The following DST variants were observed in gnomAD, a reference collection of about 807,000 sequenced individuals.
DST encodes the protein bullous pemphigoid antigen.
DST carries 253 observed loss-of-function variants against 875.2 expected under a neutral mutation model. The observed-to-expected ratio is 0.29, with a 90% CI of 0.26 to 0.32. The LOEUF is 0.32. Ranked by LOEUF, DST falls within the 10% of genes least tolerant of loss-of-function variation. The probability of loss-of-function intolerance (pLI) is 1.00; values close to 1 mark genes in which losing one functional copy is unlikely to be tolerated. For synonymous variants in DST, 3,124 were observed against 3,197.1 expected (o/e 0.98, Z 0.77); for missense variants, 8,287 against 9,111.6 (o/e 0.91, Z 3.68).
chr6:56,805,156 TGCAGTTTCTAA>T (rs1221206019), intron 4 of DST, among the ~76,000 whole-genome samples: 32 of 152,280 alleles, frequency 2.1e-4, no homozygotes, highest in African/African-American at 7.5e-4. Context: ...ATGTGCATCA[TGCAGTTTCTAA>T]AGAAACTGAA....
At chr6:56,482,563 T>C (rs1306376950) in intron 89 of DST, 120 bp downstream of exon 89, 2 of 962,426 alleles carry the variant, frequency 2.1e-6, no homozygotes, top group East Asian at 2.6e-5. Context: ...TATTAGAATT[T>C]CCTTCTTCAG....
intron 72 of DST, among the ~76,000 whole-genome samples, chr6:56,513,007 G>C (rs1002317306): frequency 6.6e-6 from 1 of 152,164 alleles, no homozygotes; most frequent in Admixed American, 6.5e-5. Flanking sequence ...ATCAGCTATA[G>C]ATAATCTCAT....
chr6:56,697,517 A>G (rs2099270574), intron 9 of DST, among the ~76,000 whole-genome samples: 1 of 152,254 alleles, frequency 6.6e-6, no homozygotes, highest in Non-Finnish European at 1.5e-5. Flanking sequence ...TTATGGACAG[A>G]AAATGGAAAG....
chr6:56,912,063 G>A (rs76827790), intron 2 of DST, among the ~76,000 whole-genome samples: 4,526 of 152,242 alleles, frequency 0.03, 195 homozygotes, highest in African/African-American at 0.1. Flanking sequence ...CCTAGATGGG[G>A]TTTAAAGTGA....
rs550537090 is a variant in DST, at chr6:56,871,533, G to A, written c.418-19929C>T. 7.5e-4 allele frequency: 963 copies of A among 1,292,288 alleles called. 1 individual carries two copies. The highest frequency in any genetic ancestry group is 1.8e-3 in the Middle Eastern group (7 of 3,824). The allele number at this position is 1,292,288 out of a possible 1,614,324, so 80.1% of individuals were successfully genotyped here. A position where few individuals can be genotyped will look rare whatever the true frequency, so the allele number is the denominator to read the frequency against. ...CTTAGAGGTAGATTCTCTGGTCATT[G>A]AGCATATCCAAATAAACAAAGCACC... On this transcript the variant is annotated intron_variant, in intron 3 of 103. Transcript: ENST00000680361.
chr6:56,705,529 A>G (rs1405305255), intron 5 of DST, among the ~76,000 whole-genome samples: 1 of 152,164 alleles, frequency 6.6e-6, no homozygotes, highest in African/African-American at 2.4e-5. Context: ...ATCCCATAAA[A>G]CTTTATTATC....
chr6:56,564,399 T>G (rs1312230468), intron 55 of DST, among the ~76,000 whole-genome samples: 1 of 152,214 alleles, frequency 6.6e-6, no homozygotes, highest in Admixed American at 6.5e-5. Flanking sequence ...ACAGGAATGC[T>G]TGTGATTTTT....
chr6:56,764,293 C>A (rs2099626893), intron 4 of DST, among the ~76,000 whole-genome samples: 1 of 152,176 alleles, frequency 6.6e-6, no homozygotes, highest in Non-Finnish European at 1.5e-5. Context: ...ATCTCCAAAA[C>A]GTTTTCTCTT....
intron 9 of DST, among the ~76,000 whole-genome samples, chr6:56,685,345 G>T (rs1588532316): frequency 6.6e-6 from 1 of 152,282 alleles, no homozygotes; most frequent in South Asian, 2.1e-4. Context: ...GCTTTTTAAT[G>T]ATGTTGATAC....
intron 4 of DST, among the ~76,000 whole-genome samples, chr6:56,782,851 G>C (rs1249349099): frequency 1.3e-5 from 2 of 151,946 alleles, no homozygotes; most frequent in Non-Finnish European, 2.9e-5. Flanking sequence ...GCTTTCTCTT[G>C]TGGGCATTTA....
intron 69 of DST, among the ~76,000 whole-genome samples, chr6:56,524,922 GA>G (rs34818825): frequency 2.7e-5 from 4 of 150,670 alleles, no homozygotes; most frequent in Admixed American, 6.6e-5. Flanking sequence ...AATTCTATCA[GA>G]AAAAAAAAAT....
chr6:56,934,588 A>C (rs990440094), intron 2 of DST, among the ~76,000 whole-genome samples: 6 of 125,510 alleles, frequency 4.8e-5, no homozygotes, highest in Non-Finnish European at 1.0e-4. Flanking sequence ...ATATATATAT[A>C]TCGTGAGAGA....
Position 56,642,029 on chromosome 6 carries a change from C to T in DST, c.1945G>A (p.Glu649Lys). ...AEIAGYILEC[E>K]NLLRQHVIDV... Reference sequence around the variant, plus strand: ...ATTACATGCTGGCGTAAAAGGTTCTCACATTCAAGTATATACCCAGCAATT... The same window carrying T: ...ATTACATGCTGGCGTAAAAGGTTCTTACATTCAAGTATATACCCAGCAATT... The change falls in exon 17 of 104, where the codon GAG (glutamate) becomes AAG (lysine). Residue 649 changes from glutamate (E) to lysine (K), a missense_variant. Coordinates refer to ENST00000680361, the MANE Select transcript of DST (RefSeq NM_001374736.1). 6.2e-7 allele frequency: 1 copy of T among 1,612,974 alleles called. No individual in the cohort carries two copies. The highest frequency in any genetic ancestry group is 8.5e-7 in the Non-Finnish European group (1 of 1,179,100).
intron 47 of DST, among the ~76,000 whole-genome samples, chr6:56,595,178 CT>C (rs749481594): frequency 2.0e-5 from 3 of 152,162 alleles, no homozygotes; most frequent in Non-Finnish European, 4.4e-5. Flanking sequence ...CCCAGAGCCC[CT>C]TTTATTACCT....
At chr6:56,817,088 A>AACACACAC (rs55717102) in intron 4 of DST, among the ~76,000 whole-genome samples, 73 of 149,358 alleles carry the variant, frequency 4.9e-4, no homozygotes, top group African/African-American at 1.8e-3. Context: ...AAGCCACTTA[A>AACACACAC]ACACACACAC....
At position 56,607,252 on chromosome 6, in the gene DST, C is replaced by A; in HGVS notation, c.7376G>T (p.Ser2459Ile). Residue 2459 changes from serine (S) to isoleucine (I), a missense_variant, in exon 40 of 104, where the codon AGC becomes ATC. Transcript: ENST00000680361. ...TGGGGCTTCACACTTATTTCCATTG[C>A]TCTCTGGGGTGTGTGTATCATTAAA... ...GSFNDTHTPE[S>I]NGNKCEAPAL... 6.2e-7 allele frequency: 1 copy of A among 1,613,480 alleles called. No homozygotes were observed.
chr6:56,709,385 C>G (rs558738068), intron 5 of DST, among the ~76,000 whole-genome samples: 14 of 152,276 alleles, frequency 9.2e-5, no homozygotes, highest in Admixed American at 9.2e-4. Flanking sequence ...CTTAACTTAT[C>G]AAAAATACTA....
chr6:56,944,600 T>C (rs570774143), intron 2 of DST, among the ~76,000 whole-genome samples: 2 of 152,316 alleles, frequency 1.3e-5, no homozygotes, highest in South Asian at 2.1e-4. Flanking sequence ...TGAAGAATTA[T>C]AAGAAGTGTG....
intron 3 of DST, among the ~76,000 whole-genome samples, chr6:56,859,911 C>A (rs1267950723): frequency 6.6e-6 from 1 of 152,090 alleles, no homozygotes; most frequent in African/African-American, 2.4e-5. Flanking sequence ...CTCCGCAGTC[C>A]CTTCAGAAGC....
Sources: gnomAD v4.1 joint callset for allele counts (sites outside exome capture counted in the v4.1 genomes callset) on GRCh38, gnomAD v4.1.1 for gene constraint, MANE v1.5 for transcripts, NCBI Gene and HGNC (gene_info 2026-07-23, HGNC 2026-07-21) for gene names.